The following HPS4 variants were observed in gnomAD, a reference collection of about 807,000 sequenced individuals.
HPS4 encodes the protein BLOC-3 complex member HPS4.
A neutral mutation model predicts 70.3 loss-of-function variants in HPS4; 44 were observed. The ratio of observed to expected loss-of-function variants is 0.63; its 90% CI spans 0.49 to 0.80. The LOEUF is 0.80. Ranked by LOEUF, HPS4 falls within the 30% of genes least tolerant of loss-of-function variation. The pLI is 0.00. For synonymous variants in HPS4, 377 were observed against 355.9 expected (o/e 1.06, Z -0.67); for missense variants, 873 against 884.4 (o/e 0.99, Z 0.16).
chr22:26,449,905 G>C (rs1056267635), downstream of HPS4, among the ~76,000 whole-genome samples: 1 of 152,216 alleles, frequency 6.6e-6, no homozygotes, highest in Non-Finnish European at 1.5e-5. Context: ...ACCGAATTCA[G>C]TACGTTGACA....
At position 26,458,607 on chromosome 22, in the gene HPS4, T is replaced by C. The variant is rs761599881; in HGVS notation, c.1714-30A>G. ...AAAGGGGGAGAGGGTCATGGGCTTG[T>C]AGGGCTGACCTCAGCAAGCCTTCTG... is the stretch of plus-strand genomic sequence containing the variant. On this transcript the variant is annotated intron_variant, in intron 11 of 13. Transcript: ENST00000398145. The C allele has an allele frequency of 3.7e-6, 6 of 1,613,166 alleles. No individual in the cohort carries two copies. The African/African-American group carries it at 5.3e-5, about 14-fold the overall frequency.
chr22:26,446,503 C>T (rs1349829963), downstream of HPS4, among the ~76,000 whole-genome samples: 2 of 152,170 alleles, frequency 1.3e-5, no homozygotes, highest in African/African-American at 4.8e-5. Flanking sequence ...CCCAAAGCAT[C>T]TTTTTTCATT....
At chr22:26,477,448 C>T (rs2090705550) in intron 3 of HPS4, among the ~76,000 whole-genome samples, 1 of 152,150 alleles carries the variant, frequency 6.6e-6, no homozygotes, top group Admixed American at 6.5e-5. Flanking sequence ...TGCACAGAAC[C>T]GCATTTCTGT....
chr22:26,461,301 C>T (rs2087214039), intron 11 of HPS4, among the ~76,000 whole-genome samples: 1 of 152,214 alleles, frequency 6.6e-6, no homozygotes, highest in South Asian at 2.1e-4. Context: ...GCTCCATGTC[C>T]TATTGTAGTG....
downstream of HPS4, among the ~76,000 whole-genome samples, chr22:26,449,491 T>C (rs2085069432): frequency 6.6e-6 from 1 of 151,792 alleles, no homozygotes; most frequent in South Asian, 2.1e-4. Flanking sequence ...CCACCCCACC[T>C]GGTTAATTTT....
chr22:26,468,075 T>C (rs181500894), intron 8 of HPS4: 2 of 169,132 alleles, frequency 1.2e-5, no homozygotes, highest in African/African-American at 4.8e-5. Flanking sequence ...AGCTAATTTT[T>C]GTATTTTAAA....
At chr22:26,471,427 G>A (rs956908073) in intron 6 of HPS4, 1 of 456,010 alleles carries the variant, frequency 2.2e-6, no homozygotes, top group South Asian at 1.5e-5. Context: ...TGGTCAGGAA[G>A]AGCCAGCAAT....
In HPS4 at chr22:26,477,065, A is replaced by C; in HGVS notation, c.204T>G (p.Ser68=). The stretch of plus-strand genomic sequence containing the variant: ...GACGAACAAGAGTAGGAGGAGAGTC[A>C]GAAATGTCAGAAACACAGCGGACAA... ...AGVVRCVSDI[S]DSPPTLVRLR... is the part of the protein sequence containing the mutation. The change falls in exon 4 of 14, where the codon TCT becomes TCG. Residue 68 remains serine (S), a synonymous_variant. Transcript: ENST00000398145. 1 of 1,614,176 alleles carries C rather than the reference A, an allele frequency of 6.2e-7. No individual in the cohort carries two copies. Among genetic ancestry groups the C allele is most frequent in the Non-Finnish European group, 8.5e-7 (1 of 1,179,978 alleles).
At chr22:26,468,971 T>C (rs1373593539) in intron 7 of HPS4, among the ~76,000 whole-genome samples, 1 of 152,174 alleles carries the variant, frequency 6.6e-6, no homozygotes, top group East Asian at 1.9e-4. Context: ...CTCATAAGAA[T>C]GAGGTAGACC....
At chr22:26,465,594 A>G (rs2088401079) in intron 9 of HPS4, 43 bp from the exon 10 acceptor site, 1 of 1,523,102 alleles carries the variant, frequency 6.6e-7, no homozygotes, top group Admixed American at 1.7e-5. Flanking sequence ...CCCCTGAGCC[A>G]GAGAGGGCAG....
chr22:26,463,558 A>C (rs5761542), intron 11 of HPS4, among the ~76,000 whole-genome samples: 124,881 of 152,200 alleles, frequency 0.82, 51,955 homozygotes, highest in Non-Finnish European at 0.89. Flanking sequence ...GCTCAAGGGG[A>C]CAAAGGTCTG....
chr22:26,465,579 A>G lies in HPS4; in HGVS notation c.707-28T>C, dbSNP rs3213583. On this transcript the variant is annotated intron_variant, in intron 9 of 13. Coordinates refer to ENST00000398145, the MANE Select transcript of HPS4 (RefSeq NM_022081.6). ...GGAATTGCAAAGCAATATGAACAGG[A>G]CTTTCCCCTGAGCCAGAGAGGGCAG... 0.89 allele frequency: 1,403,624 copies of G among 1,582,382 alleles called. 625,664 individuals are homozygous for G. The highest frequency in any genetic ancestry group is 0.91 in the South Asian group (82,506 of 90,414).
At chr22:26,465,139 C>T (rs2088262832) in intron 10 of HPS4, among the ~76,000 whole-genome samples, 1 of 152,150 alleles carries the variant, frequency 6.6e-6, no homozygotes, top group African/African-American at 2.4e-5. Context: ...TTTCAAGTGT[C>T]ACAATGAACT....
At position 26,452,301 on chromosome 22, in the gene HPS4, C is replaced by CA. The variant is rs2085352415; in HGVS notation, c.*931dup. ...CATCCTGCAGTCTGTCTCATACTGT[C>CA]AAAAAAATGTCTGACTATAACGTAA... On this transcript the variant is annotated 3_prime_UTR_variant, in exon 14 of 14. Coordinates refer to ENST00000398145, the MANE Select transcript of HPS4 (RefSeq NM_022081.6). 2 of 455,296 alleles carry CA rather than the reference C, an allele frequency of 4.4e-6. No individual in the cohort carries two copies. Among genetic ancestry groups the CA allele is most frequent in the Admixed American group, 2.4e-5 (1 of 42,110 alleles). The allele number at this position is 455,296 out of a possible 1,614,324, so 28.2% of individuals were successfully genotyped here. A position where few individuals can be genotyped will look rare whatever the true frequency, so the allele number is the denominator to read the frequency against.
chr22:26,472,558 A>G, intron 5 of HPS4, 140 bp from the exon 6 acceptor site: 1 of 767,604 alleles, frequency 1.3e-6, no homozygotes, highest in Non-Finnish European at 2.4e-6. Context: ...CTATCCCATC[A>G]CAGATCCACG....
chr22:26,457,935 G>A lies in HPS4; in HGVS notation c.1879C>T (p.Arg627Cys), dbSNP rs759641785. 5 of 1,613,918 alleles carry A rather than the reference G, an allele frequency of 3.1e-6. No homozygotes were observed. The highest frequency in any genetic ancestry group is 2.2e-5 in the East Asian group (1 of 44,896). Reference sequence around the variant, plus strand: ...AGGCTGACGGCCTGGAGGAAGCGGCGATCCTGCGGGGTGGCCACCTGCGGC... The same window carrying A: ...AGGCTGACGGCCTGGAGGAAGCGGCAATCCTGCGGGGTGGCCACCTGCGGC... ...NLPQVATPQD[R>C]RFLQAVSLMH... is the part of the protein sequence containing the mutation. Residue 627 changes from arginine to cysteine, a missense_variant, in exon 13 of 14, where the codon CGC becomes TGC. Coordinates refer to ENST00000398145, the MANE Select transcript of HPS4 (RefSeq NM_022081.6).
At chr22:26,462,142 A>AG (rs1356959327) in intron 11 of HPS4, among the ~76,000 whole-genome samples, 5 of 150,144 alleles carry the variant, frequency 3.3e-5, no homozygotes, top group East Asian at 1.9e-4. Context: ...AAAAAAAAAA[A>AG]AAGAAGAAAA....
chr22:26,455,744 A>T (rs540414612), intron 13 of HPS4, among the ~76,000 whole-genome samples: 177 of 134,014 alleles, frequency 1.3e-3, no homozygotes, highest in Middle Eastern at 3.6e-3. Context: ...TAATAAAATT[A>T]AAAAAAAAAA....
At chr22:26,450,166 C>T (rs1230279595), downstream of HPS4, among the ~76,000 whole-genome samples, 1 of 152,204 alleles carries the variant, frequency 6.6e-6, no homozygotes, top group Non-Finnish European at 1.5e-5. Context: ...CATCTGCAAA[C>T]ATCCGATCCA....
Sources: allele counts gnomAD v4.1 joint callset (sites outside exome capture counted in the v4.1 genomes callset), GRCh38; gene constraint gnomAD v4.1.1; transcripts MANE v1.5; gene names NCBI Gene and HGNC (gene_info 2026-07-23, HGNC 2026-07-21).